ANK3: variants seen among roughly 807,000 people sequenced by gnomAD.
ANK3 encodes ankyrin 3, also known as ankyrin-3.
ANK3 carries 57 observed loss-of-function variants against 370.9 expected under a neutral mutation model. The ratio of observed to expected loss-of-function variants is 0.15; its 90% CI spans 0.12 to 0.19. The LOEUF is 0.19. Ranked by LOEUF, ANK3 falls within the 10% of genes least tolerant of loss-of-function variation. The probability of loss-of-function intolerance (pLI) is 1.00; values close to 1 mark genes in which losing one functional copy is unlikely to be tolerated. For synonymous variants in ANK3, 1,929 were observed against 1,946.3 expected (o/e 0.99, Z 0.23); for missense variants, 4,439 against 5,302.1 (o/e 0.84, Z 5.06).
At chr10:60,059,728 CTACATCCACTGCTTCAGGCATT>C (rs768661868) in intron 40 of ANK3, 1 of 1,613,776 alleles carries the variant, frequency 6.2e-7, no homozygotes, top group South Asian at 1.1e-5. Context: ...TGGCTCTCAT[CTACATCCACTGCTTCAGGCATT>C]TCTGTTAAAG....
intron 2 of ANK3, among the ~76,000 whole-genome samples, chr10:60,553,732 A>C (rs1567141003): frequency 6.6e-6 from 1 of 152,178 alleles, no homozygotes; most frequent in Non-Finnish European, 1.5e-5. Flanking sequence ...AGAGTAAAAA[A>C]ATTTTTTTTG....
chr10:60,680,210 T>C (rs1032187606), intron 1 of ANK3, among the ~76,000 whole-genome samples: 7 of 151,956 alleles, frequency 4.6e-5, no homozygotes, highest in Non-Finnish European at 8.8e-5. Flanking sequence ...AAAACTTGCC[T>C]TGGTCTCCCT....
intron 2 of ANK3, among the ~76,000 whole-genome samples, chr10:60,512,888 C>A (rs1954656): frequency 0.73 from 111,227 of 151,522 alleles, 40,711 homozygotes; most frequent in South Asian, 0.88. Context: ...GAATTCCTGC[C>A]AGGTAAACTC....
intron 2 of ANK3, among the ~76,000 whole-genome samples, chr10:60,492,567 C>T (rs954138062): frequency 6.6e-6 from 1 of 151,286 alleles, no homozygotes; most frequent in Admixed American, 6.6e-5. Context: ...ATTAGCCGGG[C>T]ATGGTGGCGG....
At chr10:60,506,804 C>T (rs980510503) in intron 2 of ANK3, among the ~76,000 whole-genome samples, 4 of 152,002 alleles carry the variant, frequency 2.6e-5, no homozygotes, top group Admixed American at 1.3e-4. Flanking sequence ...AGTTCGTGCC[C>T]AGTTCTCTCA....
chr10:60,500,176 CAAG>C, intron 2 of ANK3, among the ~76,000 whole-genome samples: 1 of 152,126 alleles, frequency 6.6e-6, no homozygotes, highest in Non-Finnish European at 1.5e-5. Flanking sequence ...AGAGCAGTTC[CAAG>C]AAGAATGATC....
chr10:60,352,208 T>C lies in ANK3; in HGVS notation c.114+37217A>G, dbSNP rs752161127. Among the ~76,000 whole-genome samples, 52 of 152,154 alleles carry C rather than the reference T, an allele frequency of 3.4e-4. 2 individuals carry two copies. The highest frequency in any genetic ancestry group is 7.4e-5 in the Non-Finnish European group (5 of 68,024). The stretch of plus-strand genomic sequence containing the variant: ...TACTCAGGAGTCTGAGGCATGAGAA[T>C]TGCTTGAGCCCAGGAGGCGGAGGGG... On this transcript the variant is annotated intron_variant, in intron 1 of 43. Coordinates refer to ENST00000280772, the MANE Select transcript of ANK3 (RefSeq NM_020987.5).
At chr10:60,275,133 A>G (rs1278559540) in intron 4 of ANK3, among the ~76,000 whole-genome samples, 1 of 152,224 alleles carries the variant, frequency 6.6e-6, no homozygotes, top group Non-Finnish European at 1.5e-5. Context: ...AAACAAAGGT[A>G]GCTAAAAAGG....
intron 1 of ANK3, among the ~76,000 whole-genome samples, chr10:60,699,811 A>C (rs992858403): frequency 2.6e-5 from 4 of 152,130 alleles, no homozygotes; most frequent in African/African-American, 9.6e-5. Context: ...TCATTGGAAA[A>C]ATTTTAAATA....
At chr10:60,045,606 T>A (rs1479264765) in intron 42 of ANK3, among the ~76,000 whole-genome samples, 1 of 152,216 alleles carries the variant, frequency 6.6e-6, no homozygotes, top group Non-Finnish European at 1.5e-5. Flanking sequence ...GTCAAACTTC[T>A]TACTGAAAAG....
At chr10:60,346,235 G>T (rs185649680) in intron 1 of ANK3, among the ~76,000 whole-genome samples, 1 of 151,862 alleles carries the variant, frequency 6.6e-6, no homozygotes, top group African/African-American at 2.4e-5. Flanking sequence ...AAGCCACAGG[G>T]AATGTATAAT....
intron 1 of ANK3, among the ~76,000 whole-genome samples, chr10:60,677,159 A>G (rs1253820004): frequency 6.6e-6 from 1 of 152,218 alleles, no homozygotes; most frequent in East Asian, 1.9e-4. Flanking sequence ...GTACAGTTAC[A>G]GTTCAGAGAA....
At chr10:60,419,336 C>T (rs1007988025) in intron 2 of ANK3, among the ~76,000 whole-genome samples, 4 of 152,090 alleles carry the variant, frequency 2.6e-5, no homozygotes, top group Non-Finnish European at 2.9e-5. Context: ...TAAATGATCT[C>T]AGAGGCCCCT....
chr10:60,030,760 C>T (rs1011320394), intron 43 of ANK3, among the ~76,000 whole-genome samples: 1 of 152,170 alleles, frequency 6.6e-6, no homozygotes, highest in African/African-American at 2.4e-5. Flanking sequence ...AGTCAAGTGG[C>T]AATACACCTT....
chr10:60,680,146 A>AAAAG (rs1174004695), intron 1 of ANK3, among the ~76,000 whole-genome samples: 1 of 151,700 alleles, frequency 6.6e-6, no homozygotes, highest in African/African-American at 2.4e-5. Flanking sequence ...GGAAAAAAAA[A>AAAAG]AAAAGGAAAG....
intron 25 of ANK3, among the ~76,000 whole-genome samples, chr10:60,127,479 A>G (rs2093822453): frequency 6.6e-6 from 1 of 152,274 alleles, no homozygotes; most frequent in East Asian, 1.9e-4. Context: ...GAATGACTCT[A>G]TAAAAAATCA....
At chr10:60,100,275 T>C (rs2091011969) in intron 28 of ANK3, among the ~76,000 whole-genome samples, 1 of 98,664 alleles carries the variant, frequency 1.0e-5, no homozygotes, top group African/African-American at 3.8e-5. Flanking sequence ...ACCACAGTCC[T>C]GATTTGGTTA....
Position 60,673,790 on chromosome 10 carries a change from T to C in ANK3, c.58-58566A>G, listed in dbSNP as rs190517958. Among the ~76,000 whole-genome samples the C allele has an allele frequency of 3.1e-3, 469 of 152,370 alleles. 2 individuals are homozygous for C. The highest frequency in any genetic ancestry group is 0.01 in the Middle Eastern group (3 of 294). On this transcript the variant is annotated intron_variant, in intron 1 of 43. Transcript: ENST00000373827. ...CTCCTTCCTTCTGCACTCTTCAAGTTACCCTCCTCTCTCTTCCCCTAATGT... is the reference window on the plus strand; with the variant it reads ...CTCCTTCCTTCTGCACTCTTCAAGTCACCCTCCTCTCTCTTCCCCTAATGT...
chr10:60,077,823 T>A (rs1049014553), intron 36 of ANK3, among the ~76,000 whole-genome samples: 3 of 152,212 alleles, frequency 2.0e-5, no homozygotes, highest in Middle Eastern at 3.2e-3. Flanking sequence ...CTTCCCATAA[T>A]ATTCATGGGA....
Sources: allele counts gnomAD v4.1 joint callset (sites outside exome capture counted in the v4.1 genomes callset), GRCh38; gene constraint gnomAD v4.1.1; transcripts MANE v1.5; gene names NCBI Gene and HGNC (gene_info 2026-07-23, HGNC 2026-07-21).